The following SHC4 variants were observed in gnomAD, a reference collection of about 807,000 sequenced individuals.
The protein encoded by SHC4 is SHC-transforming protein 4.
Under a neutral mutation model 69.4 loss-of-function variants are expected in SHC4, and 41 were observed. The observed-to-expected ratio is 0.59, with a 90% CI of 0.46 to 0.77. SHC4 has a LOEUF of 0.77. Ranked by LOEUF, SHC4 falls within the 30% of genes least tolerant of loss-of-function variation. The pLI, the probability that SHC4 is intolerant of heterozygous loss-of-function variation, is 0.00. For missense variants in SHC4, 777 were observed against 783.8 expected (o/e 0.99, Z 0.10); for synonymous variants, 318 against 299.3 (o/e 1.06, Z -0.64).
intron 2 of SHC4, among the ~76,000 whole-genome samples, chr15:48,908,341 T>C (rs146362082): frequency 6.6e-6 from 1 of 152,358 alleles, no homozygotes; most frequent in East Asian, 1.9e-4. Flanking sequence ...GCCATTTGTA[T>C]ATCTTCTTTT....
chr15:48,862,560 A>G (rs1195721160), intron 6 of SHC4, among the ~76,000 whole-genome samples: 1 of 152,158 alleles, frequency 6.6e-6, no homozygotes, highest in East Asian at 1.9e-4. Flanking sequence ...GAAGAGTGGG[A>G]AGCTTCGGGA....
intron 1 of SHC4, among the ~76,000 whole-genome samples, chr15:48,941,181 C>T (rs16961929): frequency 0.087 from 13,214 of 152,170 alleles, 619 homozygotes; most frequent in East Asian, 0.19. Context: ...ATGTACAAAG[C>T]GAATCAGAAG....
intron 3 of SHC4, among the ~76,000 whole-genome samples, chr15:48,887,780 A>C (rs573508973): frequency 1.3e-5 from 2 of 152,306 alleles, no homozygotes; most frequent in African/African-American, 4.8e-5. Context: ...AAAAAAGAGA[A>C]AAGACTCAAA....
At chr15:48,850,977 A>G (rs1436780051) in intron 9 of SHC4, among the ~76,000 whole-genome samples, 1 of 152,238 alleles carries the variant, frequency 6.6e-6, no homozygotes, top group Admixed American at 6.5e-5. Flanking sequence ...ATCATGGCAG[A>G]TCACACAAGA....
chr15:48,918,445 T>C (rs1022942940), intron 2 of SHC4, among the ~76,000 whole-genome samples: 1 of 152,226 alleles, frequency 6.6e-6, no homozygotes, highest in Non-Finnish European at 1.5e-5. Flanking sequence ...TAATTTTTCC[T>C]TTTTTGTCAT....
chr15:48,853,117 T>C (rs1317995651), intron 8 of SHC4, among the ~76,000 whole-genome samples: 1 of 151,950 alleles, frequency 6.6e-6, no homozygotes, highest in East Asian at 1.9e-4. Context: ...CTGGAACTGA[T>C]AAACTTCAAT....
rs138796905 is a variant in SHC4, at chr15:48,897,756, G to GACACACACAC, written c.657-6955_657-6946dup. On this transcript the variant is annotated intron_variant, in intron 2 of 11. Coordinates refer to ENST00000332408, the MANE Select transcript of SHC4 (RefSeq NM_203349.4). The stretch of plus-strand genomic sequence containing the variant: ...ATGATCCCCACATCCCCCACCTTCT[G>GACACACACAC]ACACACACACACACACACACACACA... 9.6e-3 allele frequency among the ~76,000 whole-genome samples: 1,335 copies of GACACACACAC among 139,038 alleles called. 26 individuals carry two copies. Among genetic ancestry groups the GACACACACAC allele is most frequent in the South Asian group, 0.04 (167 of 4,208 alleles). 91.2% of individuals were successfully genotyped at this position (139,038 alleles called of 152,430 possible).
At chr15:48,901,650 G>T (rs1419939954) in intron 2 of SHC4, among the ~76,000 whole-genome samples, 2 of 152,170 alleles carry the variant, frequency 1.3e-5, no homozygotes, top group Admixed American at 1.3e-4. Context: ...GTTAAAATTT[G>T]ATGGCTTTAT....
intron 2 of SHC4, among the ~76,000 whole-genome samples, chr15:48,910,600 G>T (rs1258021861): frequency 1.3e-5 from 2 of 151,824 alleles, no homozygotes; most frequent in Admixed American, 1.3e-4. Context: ...CCTTTCTTCT[G>T]CTGGGTTTGG....
At chr15:48,871,067 T>C (rs1485046148) in intron 5 of SHC4, among the ~76,000 whole-genome samples, 3 of 152,250 alleles carry the variant, frequency 2.0e-5, no homozygotes, top group Non-Finnish European at 4.4e-5. Flanking sequence ...ACTCTACATT[T>C]TATTCCTCAA....
At chr15:48,916,537 C>G (rs997210047) in intron 2 of SHC4, among the ~76,000 whole-genome samples, 1 of 138,474 alleles carries the variant, frequency 7.2e-6, no homozygotes, top group African/African-American at 2.7e-5. Flanking sequence ...AGAGAACCTC[C>G]TTACTGTCTA....
intron 1 of SHC4, among the ~76,000 whole-genome samples, chr15:48,959,140 G>C (rs1263379003): frequency 6.6e-6 from 1 of 152,208 alleles, no homozygotes; most frequent in African/African-American, 2.4e-5. Flanking sequence ...CTATCATAAA[G>C]AGAAAATATG....
chr15:48,897,098 C>A (rs1189070724), intron 2 of SHC4, among the ~76,000 whole-genome samples: 1 of 152,184 alleles, frequency 6.6e-6, no homozygotes, highest in Non-Finnish European at 1.5e-5. Flanking sequence ...GTGAGACTTT[C>A]TCCAGCTAGC....
chr15:48,853,656 A>G (rs1262805485), intron 8 of SHC4, among the ~76,000 whole-genome samples: 2 of 152,224 alleles, frequency 1.3e-5, no homozygotes, highest in Admixed American at 6.5e-5. Context: ...GACTAATGGA[A>G]CAGAATAGAG....
intron 4 of SHC4, among the ~76,000 whole-genome samples, chr15:48,880,907 G>C (rs1362590413): frequency 6.7e-6 from 1 of 149,718 alleles, no homozygotes; most frequent in Non-Finnish European, 1.5e-5. Context: ...AATCTCTCTG[G>C]CTCATGTCCT....
chr15:48,831,629 C>A (rs185828901), intron 11 of SHC4, among the ~76,000 whole-genome samples: 1 of 152,160 alleles, frequency 6.6e-6, no homozygotes, highest in Non-Finnish European at 1.5e-5. Context: ...TACATATATT[C>A]AAAAATGTTT....
chr15:48,854,204 A>G (rs978987584), intron 8 of SHC4, among the ~76,000 whole-genome samples: 3 of 152,252 alleles, frequency 2.0e-5, no homozygotes, highest in Non-Finnish European at 2.9e-5. Context: ...GCAGCCAACA[A>G]ACATATGAAA....
intron 4 of SHC4, chr15:48,878,090 G>T: frequency 6.7e-7 from 1 of 1,489,280 alleles, no homozygotes; most frequent in Non-Finnish European, 9.0e-7. Context: ...ACGCAAGCGC[G>T]CAGCCTTTGC....
In SHC4 at chr15:48,945,506, A is replaced by G. The variant is rs1901259873; in HGVS notation, c.585+16925T>C. ...TGGTGAATGGATAACAAAATGTGGT[A>G]TTGCCGTACAATGGACTATTATACT... On this transcript the variant is annotated intron_variant, in intron 1 of 11. Transcript: ENST00000332408. Among the ~76,000 whole-genome samples the G allele has an allele frequency of 2.6e-5, 4 of 152,380 alleles. No individual in the cohort carries two copies. The South Asian group carries it at 8.3e-4, about 32-fold the overall frequency.
Sources: gnomAD v4.1 joint callset for allele counts (sites outside exome capture counted in the v4.1 genomes callset) on GRCh38, gnomAD v4.1.1 for gene constraint, MANE v1.5 for transcripts, NCBI Gene and HGNC (gene_info 2026-07-23, HGNC 2026-07-21) for gene names.